The following PCDHA8 variants were observed in gnomAD, a reference collection of about 807,000 sequenced individuals.
PCDHA8 encodes protocadherin alpha-8.
PCDHA8 carries 53 observed loss-of-function variants against 61.8 expected under a neutral mutation model. The ratio of observed to expected loss-of-function variants is 0.86; its 90% CI spans 0.69 to 1.08. The LOEUF (loss-of-function observed/expected upper bound fraction) is 1.08, where lower values mean the gene tolerates loss of function less well. Ranked by LOEUF, PCDHA8 falls within the 50% of genes least tolerant of loss-of-function variation. The pLI, the probability that PCDHA8 is intolerant of heterozygous loss-of-function variation, is 0.00. For missense variants in PCDHA8, 1,293 were observed against 1,245.0 expected, an observed-to-expected ratio of 1.04 and a Z score of -0.58; for synonymous variants, 618 against 556.6, an observed-to-expected ratio of 1.11 and a Z score of -1.55.
chr5:140,972,355 G>A (rs1190163389), intron 1 of PCDHA8, among the ~76,000 whole-genome samples: 3 of 150,946 alleles, frequency 2.0e-5, no homozygotes, highest in Admixed American at 2.0e-4. Context: ...TCACTATGTT[G>A]CACATGCTGT....
At chr5:140,904,074 T>G (rs2070811489) in intron 1 of PCDHA8, among the ~76,000 whole-genome samples, 1 of 152,214 alleles carries the variant, frequency 6.6e-6, no homozygotes, top group East Asian at 1.9e-4. Flanking sequence ...GGGAACAGTA[T>G]TTGGTTACAT....
At chr5:140,870,643 G>T (rs782549928) in intron 1 of PCDHA8, 6 of 1,612,796 alleles carry the variant, frequency 3.7e-6, no homozygotes, top group Non-Finnish European at 5.1e-6. Flanking sequence ...CGCGGAGAGC[G>T]GCAAGGTGTA....
At chr5:140,885,110 TA>T (rs1368571784) in intron 1 of PCDHA8, among the ~76,000 whole-genome samples, 4 of 152,224 alleles carry the variant, frequency 2.6e-5, no homozygotes, top group African/African-American at 9.6e-5. Context: ...ATGCTTTTTT[TA>T]AGTGCACTTT....
chr5:140,848,473 T>C lies in PCDHA8; in HGVS notation c.2394+4758T>C, dbSNP rs2150410947. 9.6e-6 allele frequency: 15 copies of C among 1,556,324 alleles called. No individual in the cohort carries two copies. In the East Asian group the frequency reaches 3.4e-4, roughly 35 times the overall value. On this transcript the variant is annotated intron_variant, in intron 1 of 3. Transcript: ENST00000531613. ...TAATTTGGAGGCAATTTTCACTAATTAGAAGAAGACTGAGTATTTGAAATG... is the reference window on the plus strand; with the variant it reads ...TAATTTGGAGGCAATTTTCACTAATCAGAAGAAGACTGAGTATTTGAAATG...
At chr5:140,997,636 A>G (rs2097777002) in intron 3 of PCDHA8, among the ~76,000 whole-genome samples, 2 of 151,964 alleles carry the variant, frequency 1.3e-5, no homozygotes, top group African/African-American at 4.8e-5. Flanking sequence ...AAAAAGCAAA[A>G]TGGGATAATG....
At chr5:140,875,966 ACT>A (rs782792514) in intron 1 of PCDHA8, 11 of 1,613,922 alleles carry the variant, frequency 6.8e-6, no homozygotes, top group Admixed American at 6.7e-5. Context: ...ATCGGCGTAA[ACT>A]CTCTTTTGAC....
At chr5:140,971,207 A>C (rs2096463327) in intron 1 of PCDHA8, among the ~76,000 whole-genome samples, 1 of 152,050 alleles carries the variant, frequency 6.6e-6, no homozygotes, top group South Asian at 2.1e-4. Flanking sequence ...AGACACTGTT[A>C]CCCTCCCTCT....
intron 3 of PCDHA8, 171 bp from the exon 4 acceptor site, chr5:141,009,456 C>CAAAT: frequency 3.2e-6 from 3 of 947,762 alleles, no homozygotes; most frequent in Non-Finnish European, 2.5e-6. Flanking sequence ...AAAAATTAAA[C>CAAAT]AAATAAATAA....
intron 3 of PCDHA8, among the ~76,000 whole-genome samples, chr5:140,998,621 A>G (rs1167341355): frequency 5.3e-5 from 8 of 151,758 alleles, no homozygotes; most frequent in Admixed American, 3.9e-4. Context: ...CTGGAGTGCA[A>G]TGGCACAATC....
intron 1 of PCDHA8, among the ~76,000 whole-genome samples, chr5:140,894,474 T>C (rs1333675195): frequency 6.6e-6 from 1 of 152,022 alleles, no homozygotes; most frequent in Non-Finnish European, 1.5e-5. Flanking sequence ...TTATTCTTGT[T>C]TTCATCTTAT....
intron 1 of PCDHA8, chr5:140,867,277 A>G (rs2153229225): frequency 6.6e-6 from 1 of 152,228 alleles, no homozygotes; most frequent in East Asian, 1.9e-4. Context: ...AATAAACCTG[A>G]TGTGCTTCAA....
intron 1 of PCDHA8, among the ~76,000 whole-genome samples, chr5:140,879,733 A>G (rs1213918807): frequency 6.6e-6 from 1 of 152,218 alleles, no homozygotes; most frequent in African/African-American, 2.4e-5. Flanking sequence ...GTCCAAAATC[A>G]AGGTGTTGTC....
At chr5:140,869,242 C>T (rs781799282) in intron 1 of PCDHA8, 1 of 1,613,610 alleles carries the variant, frequency 6.2e-7, no homozygotes, top group East Asian at 2.2e-5. Context: ...CTTCGTGGGC[C>T]GCATCGCGCA....
chr5:140,934,998 T>A (rs1242919330), intron 1 of PCDHA8, among the ~76,000 whole-genome samples: 1 of 152,198 alleles, frequency 6.6e-6, no homozygotes, highest in Non-Finnish European at 1.5e-5. Flanking sequence ...CCCTGAATCC[T>A]TTTCATGTGA....
At chr5:140,977,732 G>A (rs538865467) in intron 1 of PCDHA8, among the ~76,000 whole-genome samples, 2 of 152,048 alleles carry the variant, frequency 1.3e-5, no homozygotes, top group African/African-American at 2.4e-5. Flanking sequence ...TTCTCTCCTG[G>A]GTGTTATGAA....
In PCDHA8 at chr5:140,935,562, C is replaced by T. The variant is rs180759633; in HGVS notation, c.2395-43387C>T. Among the ~76,000 whole-genome samples, 423 of 152,262 alleles carry T rather than the reference C, an allele frequency of 2.8e-3. 2 individuals carry two copies. The highest frequency in any genetic ancestry group is 0.014 in the Middle Eastern group (4 of 294). On this transcript the variant is annotated intron_variant, in intron 1 of 3. Transcript: ENST00000531613. Reference sequence around the variant, plus strand: ...TGTTTTAAAGTATCTTGGAAAAGTTCCTCTCTGTGTAGTTAAGCCACCAGC... The same window carrying T: ...TGTTTTAAAGTATCTTGGAAAAGTTTCTCTCTGTGTAGTTAAGCCACCAGC...
intron 3 of PCDHA8, among the ~76,000 whole-genome samples, chr5:141,006,730 C>A (rs1222445312): frequency 1.3e-5 from 2 of 151,754 alleles, no homozygotes; most frequent in African/African-American, 4.8e-5. Context: ...AATGACAGGT[C>A]TTGATGATGT....
chr5:140,876,524 T>C (rs2056397184), intron 1 of PCDHA8: 1 of 1,614,018 alleles, frequency 6.2e-7, no homozygotes, highest in African/African-American at 1.3e-5. Flanking sequence ...CCTGAAGTAA[T>C]GGTTACTTCA....
intron 1 of PCDHA8, chr5:140,865,841 T>C (rs1371165787): frequency 1.3e-5 from 2 of 152,176 alleles, no homozygotes; most frequent in African/African-American, 4.8e-5. Flanking sequence ...CTTTAGTAAG[T>C]CATTTCTCTG....
Sources: gnomAD v4.1 joint callset for allele counts (sites outside exome capture counted in the v4.1 genomes callset) on GRCh38, gnomAD v4.1.1 for gene constraint, MANE v1.5 for transcripts, NCBI Gene and HGNC (gene_info 2026-07-23, HGNC 2026-07-21) for gene names.